Variants in C8orf34 observed in about 807,000 individuals in gnomAD.
C8orf34 encodes the protein uncharacterized protein C8orf34.
In C8orf34, 65 loss-of-function variants were observed where a neutral mutation model predicts 68.3. The ratio of observed to expected loss-of-function variants is 0.95; its 90% confidence interval spans 0.78 to 1.17. The LOEUF is 1.17. Among genes scored for constraint, C8orf34 ranks in the 50% most tolerant of loss-of-function variants. The probability of loss-of-function intolerance (pLI) is 0.00; values close to 1 mark genes in which losing one functional copy is unlikely to be tolerated. For synonymous variants in C8orf34, 244 were observed against 241.2 expected (o/e 1.01, Z -0.11); for missense variants, 664 against 655.4 (o/e 1.01, Z -0.14).
Position 68,331,368 on chromosome 8 carries a change from G to A in C8orf34, c.327+29G>A, listed in dbSNP as rs1169708565. 11 of 1,528,608 alleles carry A rather than the reference G, an allele frequency of 7.2e-6. No individual in the cohort carries two copies. The Admixed American group carries it at 1.8e-4, about 25-fold the overall frequency. The allele number at this position is 1,528,608 out of a possible 1,614,324, so 94.7% of individuals were successfully genotyped here. On this transcript the variant is annotated intron_variant, in intron 1 of 13. Transcript: ENST00000518698. The stretch of plus-strand genomic sequence containing the variant: ...AGGCGCTGTGGAGGAGGGCAGTCCC[G>A]TTGTCTTTAGGGGAAGGGGTGCAGT...
intron 10 of C8orf34, among the ~76,000 whole-genome samples, chr8:68,758,490 T>C (rs1822932043): frequency 6.6e-6 from 1 of 152,178 alleles, no homozygotes; most frequent in African/African-American, 2.4e-5. Context: ...CAGGCCAAAA[T>C]ATCCTCTCTA....
chr8:68,507,961 C>A (rs2129633090), intron 5 of C8orf34, among the ~76,000 whole-genome samples: 1 of 152,176 alleles, frequency 6.6e-6, no homozygotes, highest in East Asian at 1.9e-4. Context: ...TTTCAGAGGT[C>A]TTAATAAAGG....
At chr8:68,737,347 G>A (rs1299350882) in intron 10 of C8orf34, among the ~76,000 whole-genome samples, 5 of 151,902 alleles carry the variant, frequency 3.3e-5, no homozygotes, top group East Asian at 1.9e-4. Flanking sequence ...ACTTTTTCAT[G>A]CCACAGTTAT....
chr8:68,571,374 A>G (rs1220480880), intron 7 of C8orf34, among the ~76,000 whole-genome samples: 1 of 152,218 alleles, frequency 6.6e-6, no homozygotes, highest in African/African-American at 2.4e-5. Context: ...TAGTCAAGGC[A>G]GATTCCATTT....
intron 3 of C8orf34, among the ~76,000 whole-genome samples, chr8:68,463,269 T>TAAC (rs1811936479): frequency 6.6e-6 from 1 of 152,034 alleles, no homozygotes; most frequent in East Asian, 1.9e-4. Context: ...AATAGACCAA[T>TAAC]AACAGGCTCT....
At chr8:68,415,196 A>C (rs926109833) in intron 1 of C8orf34, among the ~76,000 whole-genome samples, 1 of 152,030 alleles carries the variant, frequency 6.6e-6, no homozygotes, top group African/African-American at 2.4e-5. Context: ...AAGTGTATGG[A>C]GAGGCTGGGC....
intron 5 of C8orf34, among the ~76,000 whole-genome samples, chr8:68,516,309 A>C (rs1272602300): frequency 4.6e-5 from 7 of 152,120 alleles, no homozygotes; most frequent in African/African-American, 1.7e-4. Context: ...TTTCGTGTTT[A>C]TTTTCATGAA....
chr8:68,728,805 T>C (rs1017602941), intron 10 of C8orf34, among the ~76,000 whole-genome samples: 4 of 152,192 alleles, frequency 2.6e-5, no homozygotes, highest in African/African-American at 9.6e-5. Flanking sequence ...AACCATATCA[T>C]TGTGTTTTGT....
intron 8 of C8orf34, among the ~76,000 whole-genome samples, chr8:68,646,526 T>C (rs1053185211): frequency 3.3e-5 from 5 of 152,164 alleles, no homozygotes; most frequent in African/African-American, 1.2e-4. Context: ...TTATTTATTA[T>C]AGTCACTGTT....
At chr8:68,424,547 T>A (rs1810124836) in intron 1 of C8orf34, among the ~76,000 whole-genome samples, 1 of 152,206 alleles carries the variant, frequency 6.6e-6, no homozygotes, top group South Asian at 2.1e-4. Context: ...GCAGCTGTCA[T>A]AAAAGTGGTT....
chr8:68,407,103 A>G (rs1353375981), intron 1 of C8orf34, among the ~76,000 whole-genome samples: 1 of 152,198 alleles, frequency 6.6e-6, no homozygotes, highest in Non-Finnish European at 1.5e-5. Context: ...ATAACATTTT[A>G]TTAAAGTATT....
intron 1 of C8orf34, among the ~76,000 whole-genome samples, chr8:68,405,971 G>A (rs956687771): frequency 2.0e-5 from 3 of 152,126 alleles, no homozygotes; most frequent in Admixed American, 2.0e-4. Context: ...AGAAAACAAA[G>A]GTATGGGAAC....
intron 12 of C8orf34, among the ~76,000 whole-genome samples, chr8:68,799,521 C>T (rs894765237): frequency 2.6e-5 from 4 of 152,162 alleles, no homozygotes; most frequent in African/African-American, 9.7e-5. Flanking sequence ...ACCTGCTTCA[C>T]CTCCTCAAAT....
intron 6 of C8orf34, chr8:68,530,677 C>T: frequency 9.2e-7 from 1 of 1,084,302 alleles, no homozygotes; most frequent in East Asian, 6.3e-5. Context: ...CTTCCATTTT[C>T]AAGTGAATAT....
intron 3 of C8orf34, among the ~76,000 whole-genome samples, chr8:68,464,459 C>T (rs1812009849): frequency 6.6e-6 from 1 of 151,594 alleles, no homozygotes; most frequent in Admixed American, 6.6e-5. Flanking sequence ...CTTTAAAGTT[C>T]ATATGGAACC....
intron 1 of C8orf34, among the ~76,000 whole-genome samples, chr8:68,419,340 G>C (rs1460155206): frequency 6.7e-6 from 1 of 148,430 alleles, no homozygotes; most frequent in Non-Finnish European, 1.5e-5. Context: ...AGGTGCTGGA[G>C]AGGATGTGGA....
intron 3 of C8orf34, among the ~76,000 whole-genome samples, chr8:68,467,559 A>G (rs1812202560): frequency 6.6e-6 from 1 of 151,804 alleles, no homozygotes; most frequent in African/African-American, 2.4e-5. Context: ...GTCTTTCACT[A>G]TCTTCCCGAG....
chr8:68,570,517 T>C (rs1408096006), intron 7 of C8orf34, among the ~76,000 whole-genome samples: 1 of 152,226 alleles, frequency 6.6e-6, no homozygotes, highest in Non-Finnish European at 1.5e-5. Flanking sequence ...GAGTATGATG[T>C]ATCCAATATC....
At chr8:68,396,390 A>C (rs931839315) in intron 1 of C8orf34, among the ~76,000 whole-genome samples, 80 of 152,004 alleles carry the variant, frequency 5.3e-4, no homozygotes, top group African/African-American at 1.9e-3. Context: ...AGGCTTTGTA[A>C]ACTTGGGCAA....
Sources: allele counts gnomAD v4.1 joint callset (sites outside exome capture counted in the v4.1 genomes callset), GRCh38; gene constraint gnomAD v4.1.1; transcripts MANE v1.5; gene names NCBI Gene and HGNC (gene_info 2026-07-23, HGNC 2026-07-21).